The following ANO4 variants were observed in gnomAD, a reference collection of about 807,000 sequenced individuals.
ANO4 encodes anoctamin 4, also known as anoctamin-4.
Under a neutral mutation model 141.9 loss-of-function variants are expected in ANO4, and 69 were observed. The observed-to-expected ratio is 0.49, with a 90% CI of 0.40 to 0.59. The LOEUF (loss-of-function observed/expected upper bound fraction) is 0.59. ANO4 is among the 20% of genes least tolerant of loss of function. The pLI, the probability that ANO4 is intolerant of heterozygous loss-of-function variation, is 0.00. For synonymous variants in ANO4, 350 were observed against 394.3 expected (o/e 0.89, Z 1.33); for missense variants, 894 against 1,162.2 (o/e 0.77, Z 3.36).
intron 1 of ANO4, among the ~76,000 whole-genome samples, chr12:100,901,436 T>G (rs924496391): frequency 6.6e-5 from 10 of 152,178 alleles, no homozygotes; most frequent in African/African-American, 2.4e-4. Flanking sequence ...TGGAAGGAAT[T>G]TTTATAAGAA....
intron 15 of ANO4, among the ~76,000 whole-genome samples, chr12:101,080,395 C>T (rs2049197896): frequency 6.6e-6 from 1 of 152,060 alleles, no homozygotes; most frequent in South Asian, 2.1e-4. Context: ...TTCAGGTGTA[C>T]AACAGGAGGT....
chr12:100,788,085 C>T (rs1454702553), intron 3 of ANO4, among the ~76,000 whole-genome samples: 1 of 152,158 alleles, frequency 6.6e-6, no homozygotes, highest in Non-Finnish European at 1.5e-5. Flanking sequence ...ATTAGGCCTC[C>T]TCTAAGGCTA....
At chr12:100,995,266 G>GGTTTTC (rs2045318562) in intron 8 of ANO4, among the ~76,000 whole-genome samples, 1 of 152,094 alleles carries the variant, frequency 6.6e-6, no homozygotes, top group Non-Finnish European at 1.5e-5. Context: ...AGGGCAGAGA[G>GGTTTTC]AGTTCCAAGA....
At chr12:100,965,608 C>T (rs950146822) in intron 5 of ANO4, among the ~76,000 whole-genome samples, 7 of 151,914 alleles carry the variant, frequency 4.6e-5, no homozygotes. Flanking sequence ...TAACTCTCTC[C>T]ACCTCACACT....
At position 101,023,527 on chromosome 12, in the gene ANO4, C is replaced by T. The variant is rs76048229; in HGVS notation, c.841+3387C>T. On this transcript the variant is annotated intron_variant, in intron 9 of 27. Coordinates refer to ENST00000392977, the MANE Select transcript of ANO4 (RefSeq NM_001286615.2). ...CTCTACAAAAAATACAAAAAGTTAC[C>T]CAGGCGTGGTGGTCAGTACCTATAG... 4.2e-4 allele frequency among the ~76,000 whole-genome samples: 64 copies of T among 152,166 alleles called. No homozygotes were observed. The East Asian group carries it at 0.011, about 27-fold the overall frequency.
intron 1 of ANO4, among the ~76,000 whole-genome samples, chr12:100,860,321 A>G (rs760901736): frequency 1.3e-5 from 2 of 152,166 alleles, no homozygotes; most frequent in African/African-American, 2.4e-5. Context: ...GATTGTGAAG[A>G]GTTTCATTTG....
At chr12:100,849,345 G>A (rs548591291) in intron 1 of ANO4, among the ~76,000 whole-genome samples, 17 of 152,214 alleles carry the variant, frequency 1.1e-4, no homozygotes, top group South Asian at 8.3e-4. Context: ...TAATACCATC[G>A]TATGTTACAA....
At chr12:100,923,377 A>G (rs999306160) in intron 3 of ANO4, among the ~76,000 whole-genome samples, 2 of 151,558 alleles carry the variant, frequency 1.3e-5, no homozygotes, top group South Asian at 4.2e-4. Context: ...ATGAGTGAGA[A>G]CATGCGGTGT....
intron 1 of ANO4, among the ~76,000 whole-genome samples, chr12:100,885,004 T>C (rs546843811): frequency 1.3e-5 from 2 of 152,212 alleles, no homozygotes; most frequent in African/African-American, 4.8e-5. Context: ...CTCGGTGCCT[T>C]TTCCAGCTCC....
intron 3 of ANO4, among the ~76,000 whole-genome samples, chr12:100,774,891 A>G (rs1355003916): frequency 6.6e-6 from 1 of 152,260 alleles, no homozygotes; most frequent in Non-Finnish European, 1.5e-5. Context: ...CTACAGGGGA[A>G]ATGCATTTGA....
At chr12:100,881,190 C>T (rs764437068) in intron 1 of ANO4, among the ~76,000 whole-genome samples, 6 of 151,446 alleles carry the variant, frequency 4.0e-5, no homozygotes, top group Non-Finnish European at 8.8e-5. Flanking sequence ...TGCTAAATGA[C>T]GAGTTAATGG....
At chr12:101,014,857 C>G (rs1044616794) in intron 8 of ANO4, among the ~76,000 whole-genome samples, 1 of 152,104 alleles carries the variant, frequency 6.6e-6, no homozygotes, top group African/African-American at 2.4e-5. Context: ...TTTTAAGAGG[C>G]AGAATCTCAC....
intron 1 of ANO4, among the ~76,000 whole-genome samples, chr12:100,872,801 C>T (rs942148237): frequency 1.3e-5 from 2 of 152,192 alleles, no homozygotes; most frequent in African/African-American, 4.8e-5. Flanking sequence ...TCCTGAGGTT[C>T]CCATGGGAAG....
intron 8 of ANO4, among the ~76,000 whole-genome samples, chr12:101,006,772 T>C (rs1283470278): frequency 1.3e-5 from 2 of 152,208 alleles, no homozygotes; most frequent in Admixed American, 1.3e-4. Context: ...TAGGAATACC[T>C]GCATGTTGTG....
At chr12:101,018,058 A>G (rs1346720978) in intron 8 of ANO4, among the ~76,000 whole-genome samples, 2 of 152,228 alleles carry the variant, frequency 1.3e-5, no homozygotes, top group South Asian at 2.1e-4. Flanking sequence ...TTGGCCTTCA[A>G]TTTTCTTGTC....
intron 18 of ANO4, among the ~76,000 whole-genome samples, chr12:101,095,714 A>G (rs994198333): frequency 4.6e-5 from 7 of 152,234 alleles, no homozygotes; most frequent in African/African-American, 1.2e-4. Context: ...GTGGAAGCAG[A>G]CAAAATGCTA....
At chr12:101,018,976 G>A (rs2046415177) in intron 8 of ANO4, among the ~76,000 whole-genome samples, 1 of 152,076 alleles carries the variant, frequency 6.6e-6, no homozygotes, top group Non-Finnish European at 1.5e-5. Context: ...TGACAATATG[G>A]AATGATCAGT....
At chr12:100,996,912 CCTT>C (rs2045404604) in intron 8 of ANO4, among the ~76,000 whole-genome samples, 1 of 152,180 alleles carries the variant, frequency 6.6e-6, no homozygotes, top group Admixed American at 6.5e-5. Context: ...CTAAACAACT[CCTT>C]CATTCCAGGG....
At chr12:101,068,571 G>A in intron 14 of ANO4, 1 of 1,382,874 alleles carries the variant, frequency 7.2e-7, no homozygotes, top group South Asian at 1.2e-5. Context: ...GAGATGTTTG[G>A]TGGCTTCTTC....
Sources: allele counts gnomAD v4.1 joint callset (sites outside exome capture counted in the v4.1 genomes callset), GRCh38; gene constraint gnomAD v4.1.1; transcripts MANE v1.5; gene names NCBI Gene and HGNC (gene_info 2026-07-23, HGNC 2026-07-21).